TRANK1: variants seen among roughly 807,000 people sequenced by gnomAD.
TRANK1 encodes tetratricopeptide repeat and ankyrin repeat containing 1.
TRANK1 carries 198 observed loss-of-function variants against 266.0 expected under a neutral mutation model. The ratio of observed to expected loss-of-function variants is 0.74; its 90% CI spans 0.66 to 0.84. The LOEUF is 0.84. Among genes scored for constraint, TRANK1 ranks in the 40% least tolerant of loss-of-function variants. The pLI is 0.00. For missense variants in TRANK1, 3,326 were observed against 3,634.6 expected (o/e 0.92, Z 2.18); for synonymous variants, 1,396 against 1,384.1 (o/e 1.01, Z -0.19).
intron 1 of TRANK1, among the ~76,000 whole-genome samples, chr3:36,912,397 TAAA>T: frequency 6.6e-6 from 1 of 152,188 alleles, no homozygotes. Context: ...CAGCACCCAG[TAAA>T]ATCACTAGGG....
In TRANK1 at chr3:36,892,935, T is replaced by C; in HGVS notation, c.602A>G (p.His201Arg). The C allele has an allele frequency of 2.0e-6, 3 of 1,513,108 alleles. No homozygotes were observed. Among genetic ancestry groups the C allele is most frequent in the Non-Finnish European group, 2.6e-6 (3 of 1,138,014 alleles). 93.7% of individuals were successfully genotyped at this position (1,513,108 alleles called of 1,614,324 possible). Residue 201 changes from histidine to arginine, a missense_variant, in exon 6 of 24, where the codon CAT becomes CGT. By Grantham distance (29) the His-to-Arg change is conservative. Coordinates refer to ENST00000645898, the MANE Select transcript of TRANK1 (RefSeq NM_001329998.2). ...ACTTTTCAGTGATAACTCTGGGACA[T>C]GAATATTTCTTGGTAATCGGTCTTT... The part of the protein sequence containing the change: ...AKKDRLPRNI[H>R]VPELSLKSLF...
At chr3:36,834,480 T>C (rs1183900165) in intron 21 of TRANK1, 1 of 310,896 alleles carries the variant, frequency 3.2e-6, no homozygotes, top group African/African-American at 2.2e-5. Flanking sequence ...ATTCTGCTGA[T>C]GGAAGTCAGA....
Position 36,833,448 on chromosome 3 carries a change from C to T in TRANK1, c.6135G>A (p.Lys2045=), listed in dbSNP as rs561069913. ...CAAACTTGAAGAAGGCATCCCTGAG[C>T]TTCTGAAAGTCTCTCAGGATTACCC... ...LQGVILRDFQ[K]LRDAFFKFDT... is the part of the protein sequence containing the mutation. Residue 2045 remains lysine (K), a synonymous_variant, in exon 22 of 24, where the codon AAG becomes AAA. Coordinates refer to ENST00000645898, the MANE Select transcript of TRANK1 (RefSeq NM_001329998.2). The T allele has an allele frequency of 6.2e-7, 1 of 1,613,884 alleles. No individual in the cohort carries two copies. The highest frequency in any genetic ancestry group is 1.3e-5 in the African/African-American group (1 of 75,070).
Position 36,895,640 on chromosome 3 carries a change from A to G in TRANK1, c.552T>C (p.His184=), listed in dbSNP as rs1244279984. The change falls in exon 5 of 24, where the codon CAT becomes CAC. Residue 184 remains histidine, a splice_region_variant and synonymous_variant. Transcript: ENST00000645898. ...GTGAGAGCCATCTCCTTTTACTTAC[A>G]TGCCATAATCCTTTCTTTGCCAACT... ...IEKLAKKGLW[H]SFLLLSAKKD... is the part of the protein sequence containing the mutation. 5 of 1,522,156 alleles carry G rather than the reference A, an allele frequency of 3.3e-6. No homozygotes were observed. Among genetic ancestry groups the G allele is most frequent in the Non-Finnish European group, 4.4e-6 (5 of 1,137,130 alleles). 94.3% of individuals were successfully genotyped at this position (1,522,156 alleles called of 1,614,324 possible).
intron 15 of TRANK1, chr3:36,850,181 C>T (rs999967168): frequency 8.1e-6 from 8 of 985,262 alleles, no homozygotes; most frequent in Non-Finnish European, 9.6e-6. Context: ...AGCCTCAGTC[C>T]AACCATGACC....
At chr3:36,911,265 A>G (rs1026899623) in intron 1 of TRANK1, among the ~76,000 whole-genome samples, 2 of 152,240 alleles carry the variant, frequency 1.3e-5, no homozygotes, top group African/African-American at 4.8e-5. Flanking sequence ...CATAAAATGT[A>G]TTGAAAATAT....
At chr3:36,865,117 G>A (rs1227963504) in intron 9 of TRANK1, among the ~76,000 whole-genome samples, 6 of 135,898 alleles carry the variant, frequency 4.4e-5, no homozygotes, top group East Asian at 2.5e-4. Flanking sequence ...AACCTCTGCC[G>A]CCAAGGTTCA....
rs764272120 is a variant in TRANK1, at chr3:36,832,148, G to A, written c.7435C>T (p.Pro2479Ser). ...RLWKNVILCL[P>S]KSYIALLHYW... ...TGCAAGAGTGCAATGTAGCTCTTGGGGAGGCATAGAATGACATTCTTCCAG... is the reference window on the plus strand; with the variant it reads ...TGCAAGAGTGCAATGTAGCTCTTGGAGAGGCATAGAATGACATTCTTCCAG... Residue 2479 changes from proline to serine, a missense_variant, in exon 22 of 24, where the codon CCC (proline) becomes TCC (serine). Pro to Ser is a moderately conservative substitution (Grantham distance 74). Coordinates refer to ENST00000645898, the MANE Select transcript of TRANK1 (RefSeq NM_001329998.2). The A allele has an allele frequency of 1.2e-6, 2 of 1,613,856 alleles. No homozygotes were observed. The highest frequency in any genetic ancestry group is 2.7e-5 in the African/African-American group (2 of 74,910).
chr3:36,888,984 TG>T (rs2079648101), intron 8 of TRANK1, among the ~76,000 whole-genome samples: 1 of 152,106 alleles, frequency 6.6e-6, no homozygotes, highest in African/African-American at 2.4e-5. Context: ...AAGCGGAGGT[TG>T]CAGTGAGCCA....
chr3:36,831,312 C>T lies in TRANK1; in HGVS notation c.8271G>A (p.Gly2757=), dbSNP rs749070914. The stretch of plus-strand genomic sequence containing the variant: ...TGTCCACGTCTGCCTTTTTGAAGTT[C>T]CCAGCCCTGGGCTCCCTGGCCTCCT... ...VREEAREPRA[G]NFKKADVDRT... Residue 2757 remains glycine (G), a synonymous_variant, in exon 22 of 24, where the codon GGG becomes GGA. Transcript: ENST00000645898. This position sits in a 1 kb window ranked among gnomAD's most constrained non-coding sequence, Gnocchi z 5.0. 6.2e-7 allele frequency: 1 copy of T among 1,613,534 alleles called. No homozygotes were observed. The highest frequency in any genetic ancestry group is 1.1e-5 in the South Asian group (1 of 91,070).
chr3:36,840,917 G>A (rs1441016552), intron 18 of TRANK1, among the ~76,000 whole-genome samples: 1 of 152,196 alleles, frequency 6.6e-6, no homozygotes, highest in East Asian at 1.9e-4. Flanking sequence ...CTATGTTTCA[G>A]GATTGTTATG....
At chr3:36,860,805 A>T in intron 11 of TRANK1, 101 bp downstream of exon 11, 1 of 1,467,358 alleles carries the variant, frequency 6.8e-7, no homozygotes, top group Non-Finnish European at 9.0e-7. Context: ...GGTGAACTTC[A>T]TGGTGCCTCC....
intron 2 of TRANK1, among the ~76,000 whole-genome samples, chr3:36,907,648 T>C (rs1444429831): frequency 1.3e-5 from 2 of 150,064 alleles, no homozygotes; most frequent in East Asian, 2.0e-4. Context: ...GTATTTTTAA[T>C]AGAGATGGGG....
At chr3:36,893,205 C>G (rs775887256) in intron 5 of TRANK1, among the ~76,000 whole-genome samples, 2 of 151,884 alleles carry the variant, frequency 1.3e-5, no homozygotes, top group East Asian at 1.9e-4. Flanking sequence ...AAGGCCCCTC[C>G]ACACTTCCTC....
At chr3:36,865,689 T>C (rs1226970150) in intron 9 of TRANK1, among the ~76,000 whole-genome samples, 3 of 152,006 alleles carry the variant, frequency 2.0e-5, no homozygotes, top group Non-Finnish European at 4.4e-5. Flanking sequence ...CTGAGCAACA[T>C]GGCAAAACCC....
In TRANK1 at chr3:36,856,859, T is replaced by A; in HGVS notation, c.2863A>T (p.Ile955Phe). 2 of 1,614,048 alleles carry A rather than the reference T, an allele frequency of 1.2e-6. No individual in the cohort carries two copies. The highest frequency in any genetic ancestry group is 2.2e-5 in the South Asian group (2 of 91,082). The stretch of plus-strand genomic sequence containing the variant: ...TTGTAGGCATTGCAGATGGCCTTGA[T>A]GGAATCAGCCAGTTTGCAGTGATCT... ...VLDHCKLADSIKAICNAYNRG... is the reference protein window; with the variant it reads ...VLDHCKLADSFKAICNAYNRG... The change falls in exon 13 of 24, where the codon ATC becomes TTC. Residue 955 changes from isoleucine to phenylalanine, a missense_variant. By Grantham distance (21) the Ile-to-Phe change is conservative. Transcript: ENST00000645898.
rs149155370 is a variant in TRANK1, at chr3:36,856,026, G to A, written c.3696C>T (p.Leu1232=). The change falls in exon 13 of 24, where the codon CTC becomes CTT. Residue 1232 remains leucine (L), a synonymous_variant. Transcript: ENST00000645898. ...GAAAGTTCTCGTCCCTCAGGTCCTG[G>A]AGTTTGTGAATGTTGGGGTCCAGTG... ...YKPLDPNIHK[L]QDLRDENFPL... 1.2e-6 allele frequency: 2 copies of A among 1,613,804 alleles called. No individual in the cohort carries two copies. The highest frequency in any genetic ancestry group is 1.3e-5 in the African/African-American group (1 of 74,982).
Position 36,944,819 on chromosome 3 carries a change from C to T in TRANK1, c.-10G>A. 6.7e-7 allele frequency: 1 copy of T among 1,488,086 alleles called. No homozygotes were observed. The highest frequency in any genetic ancestry group is 8.9e-7 in the Non-Finnish European group (1 of 1,126,156). The allele number at this position is 1,488,086 out of a possible 1,614,324, so 92.2% of individuals were successfully genotyped here. ...CCCGCGGGTCCCACATGGCTGCGGC[C>T]GGAGGGTCCGCACCAGGACCGCCGC... On this transcript the variant is annotated 5_prime_UTR_variant, in exon 1 of 24. Transcript: ENST00000645898.
At chr3:36,930,873 A>G (rs2080352448) in intron 1 of TRANK1, among the ~76,000 whole-genome samples, 1 of 152,232 alleles carries the variant, frequency 6.6e-6, no homozygotes, top group Non-Finnish European at 1.5e-5. Context: ...ACACAGGTGC[A>G]TATGTTTGTT....
Sources: gnomAD v4.1 joint callset for allele counts (sites outside exome capture counted in the v4.1 genomes callset) on GRCh38, gnomAD v4.1.1 for gene constraint, Gnocchi (gnomAD v3.1) non-coding constraint, MANE v1.5 for transcripts, NCBI Gene and HGNC (gene_info 2026-07-23, HGNC 2026-07-21) for gene names.